PGM5: variants seen among roughly 807,000 people sequenced by gnomAD.
PGM5 encodes the protein phosphoglucomutase-like protein 5.
Under a neutral mutation model 59.2 loss-of-function variants are expected in PGM5, and 23 were observed. That is an observed-to-expected ratio of 0.39 (90% confidence interval 0.28 to 0.55). PGM5 has a LOEUF of 0.55. Among genes scored for constraint, PGM5 ranks in the 20% least tolerant of loss-of-function variants. The pLI is 0.66. For missense variants in PGM5, 574 were observed against 748.3 expected, an observed-to-expected ratio of 0.77 and a Z score of 2.72; for synonymous variants, 214 against 286.0, an observed-to-expected ratio of 0.75 and a Z score of 2.54.
intron 10 of PGM5, among the ~76,000 whole-genome samples, chr9:68,505,520 C>T (rs1487310128): frequency 2.0e-5 from 3 of 152,218 alleles, no homozygotes; most frequent in Non-Finnish European, 4.4e-5. Context: ...TTTCTACAAT[C>T]CCCCTTCAGA....
At chr9:68,381,855 GA>G (rs1310066480) in intron 2 of PGM5, among the ~76,000 whole-genome samples, 1 of 151,816 alleles carries the variant, frequency 6.6e-6, no homozygotes, top group Non-Finnish European at 1.5e-5. Context: ...AAAGTATACT[GA>G]AAACTATAAA....
chr9:68,391,338 A>G (rs1396676178), intron 4 of PGM5, among the ~76,000 whole-genome samples, 196 bp from the exon 5 acceptor site: 1 of 152,064 alleles, frequency 6.6e-6, no homozygotes, highest in Non-Finnish European at 1.5e-5. Flanking sequence ...TATTCCTACC[A>G]CAGTAACTGG....
At chr9:68,496,257 C>T (rs1824480565) in intron 9 of PGM5, among the ~76,000 whole-genome samples, 1 of 152,174 alleles carries the variant, frequency 6.6e-6, no homozygotes, top group Non-Finnish European at 1.5e-5. Flanking sequence ...AAGAACATGG[C>T]TCGTGTCTGG....
Position 68,483,977 on chromosome 9 carries a change from G to A in PGM5, c.1408G>A (p.Val470Ile), listed in dbSNP as rs1554687358. 1 of 1,614,154 alleles carries A rather than the reference G, an allele frequency of 6.2e-7. No individual in the cohort carries two copies. Among genetic ancestry groups the A allele is most frequent in the South Asian group, 1.1e-5 (1 of 91,084 alleles). Residue 470 changes from valine (V) to isoleucine (I), a missense_variant, in exon 9 of 11, where the codon GTC becomes ATC. Around this residue, in one of 7 missense-constraint regions of PGM5, gnomAD observed 300 missense variants for 280.0 expected, o/e 1.07. Transcript: ENST00000396396. The stretch of plus-strand genomic sequence containing the variant: ...CCAGCAGTTTGCTGTGGGGAGCCAT[G>A]TCTACAGCGTGGCGAAGACGGATAG... ...IGQQFAVGSH[V>I]YSVAKTDSFE...
chr9:68,481,174 A>T (rs192230750), intron 8 of PGM5, among the ~76,000 whole-genome samples: 1 of 152,364 alleles, frequency 6.6e-6, no homozygotes, highest in East Asian at 1.9e-4. Context: ...TCTGTTAAGA[A>T]GACTTTTACT....
chr9:68,359,239 G>A (rs1554676066), intron 1 of PGM5, among the ~76,000 whole-genome samples: 2 of 152,214 alleles, frequency 1.3e-5, no homozygotes, highest in East Asian at 3.9e-4. Context: ...CTCTAAGAGT[G>A]GAATTTATTT....
intron 2 of PGM5, among the ~76,000 whole-genome samples, chr9:68,381,661 A>AC (rs1563986886): frequency 5.7e-5 from 8 of 139,656 alleles, no homozygotes; most frequent in African/African-American, 2.0e-4. Flanking sequence ...CACACACACA[A>AC]ACACACACAC....
intron 7 of PGM5, among the ~76,000 whole-genome samples, chr9:68,473,603 T>C (rs1824056325): frequency 6.6e-6 from 1 of 152,242 alleles, no homozygotes; most frequent in Admixed American, 6.5e-5. Context: ...GCCTGGTGCC[T>C]TGCTGCTTTC....
chr9:68,481,127 G>A (rs1395577290), intron 8 of PGM5, among the ~76,000 whole-genome samples: 1 of 152,214 alleles, frequency 6.6e-6, no homozygotes, highest in African/African-American at 2.4e-5. Flanking sequence ...GGGACAGAAA[G>A]AGAGCTTTAG....
rs573405422 is a variant in PGM5, at chr9:68,427,146, G to GC, written c.1043+34679dup. Among the ~76,000 whole-genome samples the GC allele has an allele frequency of 3.0e-4, 45 of 152,356 alleles. 1 individual carries two copies. In the South Asian group the frequency reaches 8.7e-3, roughly 29 times the overall value. The stretch of plus-strand genomic sequence containing the variant: ...TGGCCTCATCAGCCTAGCAAGCAGA[G>GC]CCCCCCTGGCAGTGGAAGAGCTTAG... On this transcript the variant is annotated intron_variant, in intron 6 of 10. Transcript: ENST00000396396.
chr9:68,365,819 AC>A (rs1448406345), intron 1 of PGM5, among the ~76,000 whole-genome samples: 1 of 152,226 alleles, frequency 6.6e-6, no homozygotes, highest in Non-Finnish European at 1.5e-5. Context: ...AAATCAGAGG[AC>A]AAGAGTTTAT....
chr9:68,506,324 T>G (rs1340450583), intron 10 of PGM5, among the ~76,000 whole-genome samples: 3 of 152,322 alleles, frequency 2.0e-5, no homozygotes, highest in African/African-American at 7.2e-5. Context: ...TCCAGCTATC[T>G]CTGGACCTCA....
intron 6 of PGM5, among the ~76,000 whole-genome samples, chr9:68,453,602 G>A (rs918229049): frequency 2.0e-5 from 3 of 152,228 alleles, no homozygotes; most frequent in African/African-American, 4.8e-5. Context: ...CTCCCAAAGT[G>A]TTGGGATTAC....
chr9:68,443,754 A>G (rs1011830513), intron 6 of PGM5, among the ~76,000 whole-genome samples: 18 of 152,244 alleles, frequency 1.2e-4, no homozygotes, highest in African/African-American at 4.1e-4. Flanking sequence ...CAAACAGAAA[A>G]CATAAATATT....
intron 2 of PGM5, among the ~76,000 whole-genome samples, chr9:68,382,973 A>G (rs1191531766): frequency 1.3e-5 from 2 of 152,068 alleles, no homozygotes; most frequent in African/African-American, 2.4e-5. Context: ...GCATTCTATA[A>G]TCTGGCAAGC....
At chr9:68,489,622 G>A (rs150611403) in intron 9 of PGM5, among the ~76,000 whole-genome samples, 438 of 151,834 alleles carry the variant, frequency 2.9e-3, no homozygotes, top group Middle Eastern at 0.01. Context: ...GCACCACCAC[G>A]CCCAGCTAAT....
intron 8 of PGM5, among the ~76,000 whole-genome samples, chr9:68,480,804 G>A (rs879951382): frequency 2.0e-5 from 3 of 152,166 alleles, no homozygotes; most frequent in Admixed American, 2.0e-4. Context: ...GTGGGTAGGA[G>A]CTTAGGGTTG....
At chr9:68,515,380 C>T (rs1183724884) in intron 10 of PGM5, among the ~76,000 whole-genome samples, 1 of 152,320 alleles carries the variant, frequency 6.6e-6, no homozygotes, top group East Asian at 1.9e-4. Flanking sequence ...TCAGGTGGCC[C>T]TCACGGCAGA....
chr9:68,386,396 G>T (rs1822218982), intron 3 of PGM5, among the ~76,000 whole-genome samples: 1 of 152,082 alleles, frequency 6.6e-6, no homozygotes, highest in Non-Finnish European at 1.5e-5. Context: ...AATTATATTT[G>T]AATGAACACA....
Sources: allele counts gnomAD v4.1 joint callset (sites outside exome capture counted in the v4.1 genomes callset), GRCh38; gene constraint gnomAD v4.1.1; regional missense constraint gnomAD v4.1.1; transcripts MANE v1.5; gene names NCBI Gene and HGNC (gene_info 2026-07-23, HGNC 2026-07-21).